The following ROS1 variants were observed in gnomAD, a reference collection of about 807,000 sequenced individuals.
ROS1 encodes the protein proto-oncogene tyrosine-protein kinase ROS.
In ROS1, 263 loss-of-function variants were observed where a neutral mutation model predicts 273.5. That is an observed-to-expected ratio of 0.96 (90% confidence interval 0.87 to 1.06). The LOEUF is 1.06. Among genes scored for constraint, ROS1 ranks in the 50% least tolerant of loss-of-function variants. ROS1 has a pLI of 0.00. For missense variants in ROS1, 2,833 were observed against 2,751.1 expected (o/e 1.03, Z -0.67); for synonymous variants, 1,008 against 954.1 (o/e 1.06, Z -1.04).
intron 7 of ROS1, among the ~76,000 whole-genome samples, chr6:117,401,113 C>T (rs1773897025): frequency 6.6e-6 from 1 of 152,192 alleles, no homozygotes; most frequent in Non-Finnish European, 1.5e-5. Context: ...CAAATCCATT[C>T]AGCCACCCCA....
Position 117,379,153 on chromosome 6 carries a change from C to A in ROS1, c.2488G>T (p.Ala830Ser). ...QPWFSGKKVIALTLDLSDGLL... is the reference protein window; with the variant it reads ...QPWFSGKKVISLTLDLSDGLL... ...CCATCACTGAGGTCTAAAGTTAGAG[C>A]AATTACCTAAGTAGAAAGTAAGGTA... Residue 830 changes from alanine to serine, a missense_variant, in exon 18 of 44, where the codon GCT becomes TCT. Ala to Ser is a moderately conservative substitution (Grantham distance 99, BLOSUM62 1). Coordinates refer to ENST00000368507, the MANE Select transcript of ROS1 (RefSeq NM_001378902.1). The A allele has an allele frequency of 5.6e-6, 9 of 1,603,588 alleles. No homozygotes were observed. The highest frequency in any genetic ancestry group is 7.7e-6 in the Non-Finnish European group (9 of 1,171,718).
intron 19 of ROS1, 72 bp downstream of exon 19, chr6:117,366,004 A>G: frequency 2.3e-6 from 3 of 1,309,104 alleles, no homozygotes; most frequent in Non-Finnish European, 3.3e-6. Flanking sequence ...AAGAAAAAAA[A>G]ATATCCCAAC....
intron 42 of ROS1, among the ~76,000 whole-genome samples, chr6:117,305,298 AAAG>A (rs1418264051): frequency 1.2e-4 from 19 of 152,186 alleles, no homozygotes; most frequent in African/African-American, 4.3e-4. Flanking sequence ...AGAGAAAGAA[AAAG>A]AAGAAGGAAG....
In ROS1 at chr6:117,362,991, T is replaced by C. The variant is rs1163377959; in HGVS notation, c.3104-126A>G. 5 of 804,728 alleles carry C rather than the reference T, an allele frequency of 6.2e-6. No homozygotes were observed. The African/African-American group carries it at 8.8e-5, about 14-fold the overall frequency. The allele number at this position is 804,728 out of a possible 1,614,324, so 49.8% of individuals were successfully genotyped here. A position where few individuals can be genotyped will look rare whatever the true frequency, so the allele number is the denominator to read the frequency against. On this transcript the variant is annotated intron_variant, in intron 21 of 43. Transcript: ENST00000368507. ...TTTCTCATTCCAGGCAGTTGCAGTA[T>C]ATTTATTACATTCTTAAAGATCTTC... is the stretch of plus-strand genomic sequence containing the variant.
In ROS1 at chr6:117,288,796, T is replaced by A. The variant is rs2128521409; in HGVS notation, c.6722A>T (p.Asp2241Val). The A allele has an allele frequency of 6.3e-7, 1 of 1,585,414 alleles. No homozygotes were observed. Among genetic ancestry groups the A allele is most frequent in the Non-Finnish European group, 8.6e-7 (1 of 1,168,434 alleles). ...TGAATTCAAACAAATCACATCGCCA[T>A]CTTCACCTGTGAAAAAAATATGAAT... The part of the protein sequence containing the change: ...GVINESFEGE[D>V]GDVICLNSDD... The change falls in exon 44 of 44, where the codon GAT becomes GTT. Residue 2241 changes from aspartate (D) to valine (V), a missense_variant. Coordinates refer to ENST00000368507, the MANE Select transcript of ROS1 (RefSeq NM_001378902.1).
intron 27 of ROS1, among the ~76,000 whole-genome samples, chr6:117,346,932 A>G (rs1778427487): frequency 1.3e-5 from 2 of 152,180 alleles, no homozygotes; most frequent in African/African-American, 4.8e-5. Context: ...TCTCGCAACT[A>G]GTGATCTTAT....
chr6:117,292,724 T>C (rs939953623), intron 43 of ROS1, among the ~76,000 whole-genome samples: 4 of 152,176 alleles, frequency 2.6e-5, no homozygotes, highest in African/African-American at 9.6e-5. Flanking sequence ...ACCAAACATA[T>C]GCAAAACTGT....
chr6:117,310,362 C>A, intron 40 of ROS1, 81 bp from the exon 41 acceptor site: 1 of 1,010,520 alleles, frequency 9.9e-7, no homozygotes, highest in Non-Finnish European at 1.4e-6. Flanking sequence ...CCTAGTAGGT[C>A]TGTAAAGAAG....
intron 24 of ROS1, 130 bp downstream of exon 24, chr6:117,359,679 T>C: frequency 1.4e-6 from 1 of 733,538 alleles, no homozygotes; most frequent in Non-Finnish European, 2.2e-6. Flanking sequence ...GGCTAAATAA[T>C]TATACAATAT....
intron 33 of ROS1, among the ~76,000 whole-genome samples, chr6:117,326,652 G>A (rs1776667408): frequency 6.6e-6 from 1 of 152,032 alleles, no homozygotes; most frequent in Admixed American, 6.6e-5. Flanking sequence ...AGTAATCAGT[G>A]GTGAAGAGAG....
At chr6:117,316,595 C>CGGCT (rs2128554869) in intron 39 of ROS1, among the ~76,000 whole-genome samples, 1 of 152,048 alleles carries the variant, frequency 6.6e-6, no homozygotes, top group African/African-American at 2.4e-5. Flanking sequence ...AGAAGGACTG[C>CGGCT]GGCTGCGTTT....
In ROS1 at chr6:117,362,742, T is replaced by G; in HGVS notation, c.3227A>C (p.Lys1076Thr). 1 of 1,613,820 alleles carries G rather than the reference T, an allele frequency of 6.2e-7. No homozygotes were observed. ...KPKHENGVLTKFEIFYNISNQ... is the reference protein window; with the variant it reads ...KPKHENGVLTTFEIFYNISNQ... The stretch of plus-strand genomic sequence containing the variant: ...GGATATATTGTAGAAAATTTCAAAT[T>G]TTGTTAACACCCCATTTTCATGCTT... The change falls in exon 22 of 44, where the codon AAA (lysine) becomes ACA (threonine). Residue 1076 changes from lysine to threonine, a missense_variant. Coordinates refer to ENST00000368507, the MANE Select transcript of ROS1 (RefSeq NM_001378902.1).
chr6:117,385,619 G>A, intron 16 of ROS1, 64 bp downstream of exon 16: 2 of 1,371,116 alleles, frequency 1.5e-6, no homozygotes, highest in South Asian at 2.6e-5. Context: ...AGAAATTGGT[G>A]TGCAAGTCAC....
At chr6:117,321,479 G>T in intron 35 of ROS1, 85 bp from the exon 36 acceptor site, 1 of 1,164,480 alleles carries the variant, frequency 8.6e-7, no homozygotes, top group Non-Finnish European at 1.2e-6. Context: ...CATTTGAAGT[G>T]TTTTTATGCA....
At chr6:117,405,659 A>T (rs1386144450) in intron 5 of ROS1, among the ~76,000 whole-genome samples, 1 of 151,598 alleles carries the variant, frequency 6.6e-6, no homozygotes, top group Non-Finnish European at 1.5e-5. Context: ...AGCCATGGTG[A>T]TACATATGAA....
intron 22 of ROS1, among the ~76,000 whole-genome samples, chr6:117,360,958 T>A (rs1389387305): frequency 6.6e-6 from 1 of 152,136 alleles, no homozygotes; most frequent in Non-Finnish European, 1.5e-5. Context: ...AAAGAGTAAC[T>A]TTTAAAAATA....
chr6:117,397,908 G>T (rs1057134941), intron 7 of ROS1, among the ~76,000 whole-genome samples: 1 of 152,118 alleles, frequency 6.6e-6, no homozygotes, highest in Non-Finnish European at 1.5e-5. Flanking sequence ...GACACAATTA[G>T]AAGTTACTTT....
intron 5 of ROS1, among the ~76,000 whole-genome samples, chr6:117,406,103 C>T (rs1403942360): frequency 6.6e-6 from 1 of 152,056 alleles, no homozygotes; most frequent in Non-Finnish European, 1.5e-5. Context: ...TGTGATTGTG[C>T]CCCTGTACTC....
chr6:117,380,946 A>G (rs1325630361), intron 17 of ROS1, among the ~76,000 whole-genome samples: 3 of 152,116 alleles, frequency 2.0e-5, no homozygotes. Context: ...GCCTGACTGT[A>G]TTTCATTATG....
Sources: gnomAD v4.1 joint callset for allele counts (sites outside exome capture counted in the v4.1 genomes callset) on GRCh38, gnomAD v4.1.1 for gene constraint, MANE v1.5 for transcripts, NCBI Gene and HGNC (gene_info 2026-07-23, HGNC 2026-07-21) for gene names.